Variants in STARD13 observed in about 807,000 individuals in gnomAD.
STARD13 encodes the protein StAR related lipid transfer domain containing 13, also known as stAR-related lipid transfer protein 13.
STARD13 carries 62 observed loss-of-function variants against 106.4 expected under a neutral mutation model. The observed-to-expected ratio is 0.58, with a 90% CI of 0.48 to 0.72. The LOEUF (loss-of-function observed/expected upper bound fraction) is 0.72, where lower values mean the gene tolerates loss of function less well. STARD13 is among the 30% of genes least tolerant of loss of function. The pLI is 0.00. For synonymous variants in STARD13, 565 were observed against 553.0 expected (o/e 1.02, Z -0.31); for missense variants, 1,387 against 1,424.0 (o/e 0.97, Z 0.42).
intron 3 of STARD13, among the ~76,000 whole-genome samples, chr13:33,160,954 A>C (rs971385896): frequency 3.9e-5 from 6 of 152,222 alleles, no homozygotes; most frequent in Admixed American, 3.9e-4. Flanking sequence ...ATGCTCATAC[A>C]AAAACTTGAA....
chr13:33,261,429 A>G (rs1180418820), intron 1 of STARD13, among the ~76,000 whole-genome samples: 2 of 152,248 alleles, frequency 1.3e-5, no homozygotes, highest in Non-Finnish European at 2.9e-5. Flanking sequence ...GAAATAAGCC[A>G]GCGCTCCTTT....
Position 33,327,134 on chromosome 13 carries a change from T to A in STARD13, c.124+23156A>T, listed in dbSNP as rs148034905. On this transcript the variant is annotated intron_variant, in intron 1 of 5. Coordinates refer to the STARD13 transcript ENST00000567873. Reference sequence around the variant, plus strand: ...AAATAGTTGTACATTTATCCACAATTAGTGCTTCAATCTTAGAATACCACA... The same window carrying A: ...AAATAGTTGTACATTTATCCACAATAAGTGCTTCAATCTTAGAATACCACA... Among the ~76,000 whole-genome samples the A allele has an allele frequency of 1.6e-4, 24 of 152,334 alleles. 1 individual carries two copies. The East Asian group carries it at 2.1e-3, about 13-fold the overall frequency.
chr13:33,535,894 C>T, the STARD13 span, among the ~76,000 whole-genome samples: 6 of 152,048 alleles, frequency 3.9e-5, no homozygotes, highest in Admixed American at 1.3e-4. Flanking sequence ...GATGGCAGTC[C>T]GAAAATCTAT....
At chr13:33,403,430 G>T in the STARD13 span, among the ~76,000 whole-genome samples, 2 of 152,308 alleles carry the variant, frequency 1.3e-5, no homozygotes, top group East Asian at 3.9e-4. Flanking sequence ...GAGGCCAAGG[G>T]TGTGGCAAAT....
At chr13:33,458,092 A>C in the STARD13 span, among the ~76,000 whole-genome samples, 1 of 152,184 alleles carries the variant, frequency 6.6e-6, no homozygotes. Context: ...CCTTCACACC[A>C]TTACTTAGGT....
the STARD13 span, among the ~76,000 whole-genome samples, chr13:33,497,436 T>C: frequency 6.6e-6 from 1 of 152,128 alleles, no homozygotes; most frequent in Admixed American, 6.6e-5. Flanking sequence ...GAAGTCTCTA[T>C]TTTGATAAAG....
intron 3 of STARD13, among the ~76,000 whole-genome samples, chr13:33,153,739 T>C (rs1483863106): frequency 6.6e-6 from 1 of 152,218 alleles, no homozygotes; most frequent in Non-Finnish European, 1.5e-5. Flanking sequence ...CAGTTTCCTG[T>C]GATACTTCTA....
chr13:33,366,981 T>C, the STARD13 span, among the ~76,000 whole-genome samples: 1 of 152,206 alleles, frequency 6.6e-6, no homozygotes, highest in Non-Finnish European at 1.5e-5. The surrounding 1 kb of genome is among the most constrained non-coding windows in gnomAD (Gnocchi z 4.2). Context: ...TTGAGTCATA[T>C]GACAGGAGGT....
chr13:33,246,375 C>G (rs973697256), intron 1 of STARD13, among the ~76,000 whole-genome samples: 25 of 152,174 alleles, frequency 1.6e-4, no homozygotes, highest in Non-Finnish European at 3.2e-4. Context: ...CAGGCACACA[C>G]ACATCTCTAG....
At chr13:33,363,597 T>C in the STARD13 span, among the ~76,000 whole-genome samples, 7 of 152,348 alleles carry the variant, frequency 4.6e-5, no homozygotes, top group African/African-American at 1.7e-4. Flanking sequence ...ATAGAAGAAA[T>C]AGAGGAACTG....
chr13:33,466,039 T>C, the STARD13 span, among the ~76,000 whole-genome samples: 13 of 152,170 alleles, frequency 8.5e-5, no homozygotes, highest in Non-Finnish European at 1.6e-4. Context: ...GGTTTTCTCA[T>C]TTGTTAAATG....
At chr13:33,165,487 T>C in intron 2 of STARD13, 69 bp from the exon 3 acceptor site, 1 of 1,218,694 alleles carries the variant, frequency 8.2e-7, no homozygotes, top group Admixed American at 1.8e-5. Context: ...TATTCAGACC[T>C]TCAAGGTCTG....
the STARD13 span, among the ~76,000 whole-genome samples, chr13:33,445,202 T>A: frequency 6.6e-6 from 1 of 152,168 alleles, no homozygotes; most frequent in Non-Finnish European, 1.5e-5. Flanking sequence ...GCCCATTTTT[T>A]CCTAATGCCC....
chr13:33,603,926 A>G, the STARD13 span, among the ~76,000 whole-genome samples: 3 of 152,168 alleles, frequency 2.0e-5, no homozygotes, highest in Non-Finnish European at 4.4e-5. Context: ...ATAACATAAC[A>G]TTCTGGCAGA....
upstream of STARD13, chr13:33,285,849 A>C: frequency 2.5e-6 from 3 of 1,195,626 alleles, no homozygotes; most frequent in East Asian, 3.1e-5. Flanking sequence ...AGAGAGGAAA[A>C]TGGGAACGTT....
At chr13:33,464,668 G>A in the STARD13 span, among the ~76,000 whole-genome samples, 7 of 152,200 alleles carry the variant, frequency 4.6e-5, no homozygotes, top group South Asian at 1.4e-3. Context: ...GGCCAACAAT[G>A]CACAAACTGG....
the STARD13 span, among the ~76,000 whole-genome samples, chr13:33,433,611 G>A: frequency 6.6e-6 from 1 of 152,156 alleles, no homozygotes; most frequent in African/African-American, 2.4e-5. Flanking sequence ...CTAAAACAGA[G>A]ATCAGACCTC....
intron 1 of STARD13, among the ~76,000 whole-genome samples, chr13:33,349,403 G>T (rs1299161431): frequency 6.6e-6 from 1 of 152,178 alleles, no homozygotes; most frequent in East Asian, 1.9e-4. Context: ...CCTTATTGGG[G>T]CAGGCATGAG....
the STARD13 span, among the ~76,000 whole-genome samples, chr13:33,589,208 C>G: frequency 6.6e-6 from 1 of 151,998 alleles, no homozygotes; most frequent in Non-Finnish European, 1.5e-5. Context: ...ATTAATCTTG[C>G]TAGTGGTCTA....
Sources: gnomAD v4.1 joint callset for allele counts (sites outside exome capture counted in the v4.1 genomes callset) on GRCh38, gnomAD v4.1.1 for gene constraint, Gnocchi (gnomAD v3.1) non-coding constraint, MANE v1.5 for transcripts, NCBI Gene and HGNC (gene_info 2026-07-23, HGNC 2026-07-21) for gene names.